Variants in PGCKA1 observed in about 807,000 individuals in gnomAD.
PGCKA1 encodes the protein PDCD10 and GCKIII kinases associated 1.
chr4:37,555,845 T>C, the PGCKA1 span, among the ~76,000 whole-genome samples: 31 of 152,286 alleles, frequency 2.0e-4, 1 homozygote, highest in East Asian at 2.1e-3. Context: ...TCAAATCATA[T>C]GGTTCTGCCT....
At chr4:37,576,540 C>T in the PGCKA1 span, among the ~76,000 whole-genome samples, 1 of 152,112 alleles carries the variant, frequency 6.6e-6, no homozygotes, top group South Asian at 2.1e-4. Flanking sequence ...GGTAATTTGA[C>T]TTCTTCCTTT....
the PGCKA1 span, among the ~76,000 whole-genome samples, chr4:37,587,110 CTCT>C: frequency 6.6e-6 from 1 of 152,060 alleles, no homozygotes; most frequent in Admixed American, 6.6e-5. Flanking sequence ...GCTGCCAGTA[CTCT>C]TGGTTTGTGA....
the PGCKA1 span, among the ~76,000 whole-genome samples, chr4:37,474,770 T>C: frequency 7.5e-4 from 114 of 152,256 alleles, no homozygotes; most frequent in Non-Finnish European, 1.4e-3. Context: ...TTAGCGAAGG[T>C]CTGTGTAACT....
chr4:37,570,744 T>A, the PGCKA1 span, among the ~76,000 whole-genome samples: 1 of 152,232 alleles, frequency 6.6e-6, no homozygotes, highest in Admixed American at 6.5e-5. Flanking sequence ...CCCTTCCAAA[T>A]ACTCCAACTT....
At chr4:37,468,994 A>G in the PGCKA1 span, among the ~76,000 whole-genome samples, 1 of 152,148 alleles carries the variant, frequency 6.6e-6, no homozygotes, top group Admixed American at 6.5e-5. Flanking sequence ...TGGGTCATAT[A>G]CCTCTTATAC....
At chr4:37,559,553 C>G in the PGCKA1 span, among the ~76,000 whole-genome samples, 13,431 of 151,476 alleles carry the variant, frequency 0.089, 1,032 homozygotes, top group African/African-American at 0.2. Context: ...ATGTAACTAA[C>G]CTGCACATTG....
the PGCKA1 span, among the ~76,000 whole-genome samples, chr4:37,456,078 G>A: frequency 6.8e-6 from 1 of 148,038 alleles, no homozygotes; most frequent in East Asian, 2.0e-4. Flanking sequence ...TTTTCTTTTT[G>A]GTCATTCTTT....
At chr4:37,551,513 A>G in the PGCKA1 span, among the ~76,000 whole-genome samples, 1 of 152,208 alleles carries the variant, frequency 6.6e-6, no homozygotes, top group Non-Finnish European at 1.5e-5. Context: ...AAACCCTCAG[A>G]TAAGAAATGC....
the PGCKA1 span, among the ~76,000 whole-genome samples, chr4:37,568,136 G>A: frequency 7.2e-5 from 11 of 152,298 alleles, no homozygotes; most frequent in African/African-American, 2.4e-4. Context: ...CCTCTCAGGT[G>A]CACAGGGCCG....
At chr4:37,548,286 A>G in the PGCKA1 span, among the ~76,000 whole-genome samples, 1,916 of 152,302 alleles carry the variant, frequency 0.013, 33 homozygotes, top group African/African-American at 0.043. Context: ...AGTAAAATAT[A>G]TCTTTGGTAA....
At chr4:37,591,164 G>A in the PGCKA1 span, 1 of 602,766 alleles carries the variant, frequency 1.7e-6, no homozygotes, top group Non-Finnish European at 2.9e-6. Flanking sequence ...GTCCCATGCT[G>A]CTTGTCACAT....
At chr4:37,553,873 T>C in the PGCKA1 span, among the ~76,000 whole-genome samples, 1 of 152,216 alleles carries the variant, frequency 6.6e-6, no homozygotes, top group Non-Finnish European at 1.5e-5. Flanking sequence ...CATGGCTTTC[T>C]CTACTGAGGG....
At chr4:37,581,007 T>C in the PGCKA1 span, among the ~76,000 whole-genome samples, 2 of 152,130 alleles carry the variant, frequency 1.3e-5, no homozygotes, top group Non-Finnish European at 2.9e-5. The surrounding 1 kb of genome is among the most constrained non-coding windows in gnomAD (Gnocchi z 4.4). Flanking sequence ...ATCCTCTTCC[T>C]ATCACCATTA....
At chr4:37,491,737 A>C in the PGCKA1 span, among the ~76,000 whole-genome samples, 1 of 151,978 alleles carries the variant, frequency 6.6e-6, no homozygotes, top group African/African-American at 2.4e-5. Context: ...AATTTTCTTG[A>C]ATTATTTTCT....
the PGCKA1 span, among the ~76,000 whole-genome samples, chr4:37,526,149 G>A: frequency 1.5e-3 from 234 of 152,250 alleles, 2 homozygotes; most frequent in Admixed American, 2.5e-3. Context: ...AATTACTATC[G>A]CACTAGAATT....
chr4:37,475,282 A>G, the PGCKA1 span, among the ~76,000 whole-genome samples: 2 of 152,182 alleles, frequency 1.3e-5, no homozygotes, highest in Non-Finnish European at 2.9e-5. Flanking sequence ...TCATAGAAAC[A>G]ATGCTCCTTT....
chr4:37,538,560 G>A, the PGCKA1 span, among the ~76,000 whole-genome samples: 1 of 152,208 alleles, frequency 6.6e-6, no homozygotes, highest in Non-Finnish European at 1.5e-5. Context: ...ATTTGGCTCT[G>A]ATTCCCTGGA....
the PGCKA1 span, among the ~76,000 whole-genome samples, chr4:37,497,446 T>A: frequency 8.5e-5 from 13 of 152,146 alleles, no homozygotes; most frequent in African/African-American, 2.9e-4. Context: ...ACTGGGTAGA[T>A]ACCCAGTAGT....
the PGCKA1 span, among the ~76,000 whole-genome samples, chr4:37,506,407 T>C: frequency 6.6e-6 from 1 of 152,260 alleles, no homozygotes; most frequent in African/African-American, 2.4e-5. Context: ...TAGGTACTCA[T>C]AGCTATAAAC....
Sources: gnomAD v4.1 joint callset for allele counts (sites outside exome capture counted in the v4.1 genomes callset) on GRCh38, gnomAD v4.1.1 for gene constraint, Gnocchi (gnomAD v3.1) non-coding constraint, MANE v1.5 for transcripts, NCBI Gene and HGNC (gene_info 2026-07-23, HGNC 2026-07-21) for gene names.